The following VPS37A variants were observed in gnomAD, a reference collection of about 807,000 sequenced individuals.
VPS37A encodes the protein VPS37A subunit of ESCRT-I, also known as vacuolar protein sorting-associated protein 37A.
A neutral mutation model predicts 49.8 loss-of-function variants in VPS37A; 30 were observed. The ratio of observed to expected loss-of-function variants is 0.60; its 90% CI spans 0.45 to 0.82. The LOEUF is 0.82. VPS37A is among the 40% of genes least tolerant of loss of function. The pLI is 0.00. For synonymous variants in VPS37A, 195 were observed against 160.6 expected (o/e 1.21, Z -1.62); for missense variants, 593 against 464.4 (o/e 1.28, Z -2.55).
rs758332687 is a variant in VPS37A at position 17,274,824 on chromosome 8, A to G, written c.508A>G (p.Ile170Val). 1.2e-6 allele frequency: 2 copies of G among 1,614,146 alleles called. No homozygotes were observed. Among genetic ancestry groups the G allele is most frequent in the Admixed American group, 1.7e-5 (1 of 60,026 alleles). ...TCCTCCACAAGAAGCAAACAGGAGT[A>G]TCACTTCTTTATCTGTTGCTGACAC... ...PYPPQEANRS[I>V]TSLSVADTVS... The change falls in exon 5 of 12, where the codon ATC becomes GTC. Residue 170 changes from isoleucine to valine, a missense_variant. Physicochemically the swap from Ile to Val is conservative, Grantham distance 29. Coordinates refer to ENST00000324849, the MANE Select transcript of VPS37A (RefSeq NM_152415.3).
At chr8:17,300,366 G>T, downstream of VPS37A, 1 of 898,184 alleles carries the variant, frequency 1.1e-6, no homozygotes, top group Non-Finnish European at 1.6e-6. Flanking sequence ...GTTCAAACCT[G>T]GACTTCACGA....
downstream of VPS37A, chr8:17,298,754 G>T (rs368093729): frequency 2.4e-3 from 366 of 152,666 alleles, 1 homozygote; most frequent in Non-Finnish European, 4.2e-3. Flanking sequence ...AGGTCACCTA[G>T]TGAAGTCTTT....
the VPS37A span, chr8:17,311,821 A>G: frequency 1.2e-6 from 1 of 834,490 alleles, no homozygotes; most frequent in Non-Finnish European, 1.8e-6. Context: ...GCTGGCAGCT[A>G]AAGCTTTCCC....
intron 1 of VPS37A, among the ~76,000 whole-genome samples, chr8:17,265,186 C>G (rs983115649): frequency 6.6e-6 from 1 of 152,112 alleles, no homozygotes; most frequent in Non-Finnish European, 1.5e-5. Context: ...TATTAGAAGT[C>G]TAGTTCCTAG....
intron 3 of VPS37A, among the ~76,000 whole-genome samples, chr8:17,268,602 T>C (rs950762813): frequency 4.6e-5 from 7 of 152,202 alleles, no homozygotes; most frequent in Admixed American, 1.3e-4. Flanking sequence ...CCTCAAATTA[T>C]TGTAAATAGT....
downstream of VPS37A, among the ~76,000 whole-genome samples, chr8:17,307,053 C>G (rs1019935231): frequency 6.6e-6 from 1 of 152,132 alleles, no homozygotes; most frequent in African/African-American, 2.4e-5. Flanking sequence ...TCTAATTAAA[C>G]TAAAGAGCTT....
In VPS37A at chr8:17,266,841, T is replaced by A. The variant is rs562230224; in HGVS notation, c.200+860T>A. ...CAGACTGGAGTGCAGTGGCACAATC[T>A]TGGCCACTGCAACCTCCGCCTCCCG... On this transcript the variant is annotated intron_variant, in intron 2 of 11. Transcript: ENST00000324849. 2.0e-5 allele frequency among the ~76,000 whole-genome samples: 3 copies of A among 152,240 alleles called. No homozygotes were observed. The East Asian group carries it at 5.8e-4, about 29-fold the overall frequency.
chr8:17,251,421 A>G (rs1563233866), intron 1 of VPS37A, among the ~76,000 whole-genome samples: 1 of 152,242 alleles, frequency 6.6e-6, no homozygotes, highest in Non-Finnish European at 1.5e-5. Context: ...TATGTAAGAC[A>G]TTTGGAAGAG....
At chr8:17,267,469 G>T (rs73200943) in intron 2 of VPS37A, among the ~76,000 whole-genome samples, 1 of 74,884 alleles carries the variant, frequency 1.3e-5, no homozygotes, top group South Asian at 4.5e-4. Context: ...ATTTCTGCTT[G>T]TGTGTGTGTG....
intron 11 of VPS37A, chr8:17,286,681 G>T: frequency 2.6e-6 from 1 of 379,538 alleles, no homozygotes; most frequent in Non-Finnish European, 4.8e-6. Flanking sequence ...ATGTAGAATT[G>T]TAAGTTATAG....
chr8:17,300,061 G>C, downstream of VPS37A: 1 of 1,614,162 alleles, frequency 6.2e-7, no homozygotes, highest in Non-Finnish European at 8.5e-7. Flanking sequence ...ATCGCCTTGT[G>C]AAGGGCTCCG....
At chr8:17,253,007 C>T (rs933574476) in intron 1 of VPS37A, among the ~76,000 whole-genome samples, 3 of 152,046 alleles carry the variant, frequency 2.0e-5, no homozygotes, top group African/African-American at 7.2e-5. Context: ...GTGATTAAGA[C>T]GTATAATTGC....
At chr8:17,315,370 A>T in the VPS37A span, among the ~76,000 whole-genome samples, 3 of 151,684 alleles carry the variant, frequency 2.0e-5, no homozygotes, top group Non-Finnish European at 4.4e-5. Context: ...GGGGCACAAG[A>T]ATGTTTAGGG....
chr8:17,329,276 A>G, the VPS37A span, among the ~76,000 whole-genome samples: 5 of 152,198 alleles, frequency 3.3e-5, no homozygotes, highest in Non-Finnish European at 7.3e-5. Context: ...CAGCCTCCGC[A>G]ATGGTTTATA....
intron 1 of VPS37A, among the ~76,000 whole-genome samples, chr8:17,250,739 C>T (rs1811901977): frequency 6.6e-6 from 1 of 152,106 alleles, no homozygotes; most frequent in African/African-American, 2.4e-5. Flanking sequence ...GCCTTAAATT[C>T]TTATCTCCTC....
At chr8:17,280,577 A>G in intron 9 of VPS37A, 134 bp downstream of exon 9, 1 of 719,924 alleles carries the variant, frequency 1.4e-6, no homozygotes, top group Admixed American at 3.4e-5. Flanking sequence ...GATACCTTTA[A>G]ACGTGGATGA....
chr8:17,272,959 G>T (rs1163990521), intron 4 of VPS37A, among the ~76,000 whole-genome samples: 1 of 141,882 alleles, frequency 7.0e-6, no homozygotes, highest in Non-Finnish European at 1.5e-5. Flanking sequence ...TCATCTACAA[G>T]AAAATATATA....
intron 3 of VPS37A, 139 bp downstream of exon 3, chr8:17,268,511 A>G: frequency 4.7e-6 from 3 of 638,534 alleles, no homozygotes; most frequent in Non-Finnish European, 7.8e-6. Context: ...ATTTAAGACT[A>G]CGCCTTAAAG....
intron 4 of VPS37A, among the ~76,000 whole-genome samples, chr8:17,271,360 CT>C (rs1813969666): frequency 6.6e-6 from 1 of 152,172 alleles, no homozygotes; most frequent in Admixed American, 6.5e-5. Context: ...AATCCCAGCA[CT>C]TTGGGAGGCC....
Sources: gnomAD v4.1 joint callset for allele counts (sites outside exome capture counted in the v4.1 genomes callset) on GRCh38, gnomAD v4.1.1 for gene constraint, MANE v1.5 for transcripts, NCBI Gene and HGNC (gene_info 2026-07-23, HGNC 2026-07-21) for gene names.